The following TRIM37 variants were observed in gnomAD, a reference collection of about 807,000 sequenced individuals.
TRIM37 encodes tripartite motif containing 37, also known as E3 ubiquitin-protein ligase TRIM37.
A neutral mutation model predicts 129.8 loss-of-function variants in TRIM37; 80 were observed. The observed-to-expected ratio is 0.62, with a 90% CI of 0.51 to 0.74. The LOEUF (loss-of-function observed/expected upper bound fraction) is 0.74, where lower values mean the gene tolerates loss of function less well. Ranked by LOEUF, TRIM37 falls within the 30% of genes least tolerant of loss-of-function variation. TRIM37 has a pLI of 0.00. For missense variants in TRIM37, 1,054 were observed against 1,176.5 expected, an observed-to-expected ratio of 0.90 and a Z score of 1.52; for synonymous variants, 389 against 387.1, an observed-to-expected ratio of 1.00 and a Z score of -0.06.
At position 58,998,884 on chromosome 17, in the gene TRIM37, G is replaced by A. The variant is rs2033306146; in HGVS notation, c.*493C>T. Reference sequence around the variant, plus strand: ...CAGTTATTCACATAGTGTCTACAGGGCAGAATCTCTTCCAAAGCAATTTTC... The same window carrying A: ...CAGTTATTCACATAGTGTCTACAGGACAGAATCTCTTCCAAAGCAATTTTC... On this transcript the variant is annotated 3_prime_UTR_variant, in exon 24 of 24. Transcript: ENST00000262294. 3.0e-6 allele frequency: 3 copies of A among 1,015,160 alleles called. No homozygotes were observed. The highest frequency in any genetic ancestry group is 3.5e-6 in the Non-Finnish European group (3 of 847,298). 62.9% of individuals were successfully genotyped at this position (1,015,160 alleles called of 1,614,324 possible).
rs1245747118 is a variant in TRIM37, at chr17:59,003,535, G to A, written c.2696-1821C>T. On this transcript the variant is annotated intron_variant, in intron 22 of 23. Transcript: ENST00000262294. ...GAGATGGGTAGTGTAGTTATTTAAG[G>A]ATATTCATAGTTATTTACTTTGAAA... Among the ~76,000 whole-genome samples, 10 of 151,430 alleles carry A rather than the reference G, an allele frequency of 6.6e-5. No individual in the cohort carries two copies. In the East Asian group the frequency reaches 1.9e-3, roughly 29 times the overall value.
Position 59,031,985 on chromosome 17 carries a change from A to G in TRIM37, c.1859T>C (p.Ile620Thr). The G allele has an allele frequency of 6.2e-7, 1 of 1,614,242 alleles. No homozygotes were observed. Residue 620 changes from isoleucine to threonine, a missense_variant, in exon 18 of 24, where the codon ATA becomes ACA. Ile to Thr is a moderately conservative substitution (Grantham distance 89). This residue lies in a region of TRIM37 where 752 missense variants were observed against 870.8 expected (regional missense o/e 0.86). Transcript: ENST00000262294. ...CCGGTCCTTAAGGTCCAACAAATGT[A>G]TTAAAATTAATGGATCAATGTCTAG... ...SLLDIDPLIL[I>T]HLLDLKDRSS...
At chr17:59,081,937 C>CAAAAAAAAAAAAAAAAAAAA (rs1157296161) in intron 5 of TRIM37, among the ~76,000 whole-genome samples, 2 of 48,888 alleles carry the variant, frequency 4.1e-5, no homozygotes, top group East Asian at 4.9e-4. Flanking sequence ...TAATAAAAAC[C>CAAAAAAAAAAAAAAAAAAAA]AAAAAAAAAA....
chr17:59,012,250 A>AC (rs1555639680), intron 22 of TRIM37, 78 bp downstream of exon 22: 4 of 833,792 alleles, frequency 4.8e-6, no homozygotes, highest in Middle Eastern at 2.3e-4. Context: ...CACCACCACC[A>AC]CCACCACCCA....
At chr17:59,069,082 C>T (rs949933724) in intron 9 of TRIM37, among the ~76,000 whole-genome samples, 6 of 152,178 alleles carry the variant, frequency 3.9e-5, no homozygotes, top group African/African-American at 1.4e-4. Context: ...CATGGTGGCT[C>T]ACACCTATAA....
intron 17 of TRIM37, 44 bp from the exon 18 acceptor site, chr17:59,032,134 A>G (rs773826764): frequency 6.3e-7 from 1 of 1,582,942 alleles, no homozygotes; most frequent in African/African-American, 1.3e-5. Flanking sequence ...GCACAAACTT[A>G]GCTATACTTA....
At chr17:59,017,783 C>T (rs1434158779) in intron 19 of TRIM37, among the ~76,000 whole-genome samples, 2 of 152,080 alleles carry the variant, frequency 1.3e-5, no homozygotes, top group Non-Finnish European at 2.9e-5. Flanking sequence ...CGCCACCATG[C>T]CCAGCTAATT....
At chr17:59,057,084 C>T in intron 12 of TRIM37, 30 bp from the exon 13 acceptor site, 2 of 1,595,084 alleles carry the variant, frequency 1.3e-6, no homozygotes, top group South Asian at 1.1e-5. Flanking sequence ...CATTACTATA[C>T]AGTTAGTAAA....
intron 2 of TRIM37, among the ~76,000 whole-genome samples, chr17:59,101,938 C>CA (rs200931358): frequency 0.024 from 3,433 of 144,294 alleles, 127 homozygotes; most frequent in African/African-American, 0.083. Flanking sequence ...GAATCCATCT[C>CA]AAAAAAAAAT....
At chr17:59,028,784 C>T in intron 18 of TRIM37, 61 bp from the exon 19 acceptor site, 1 of 1,572,850 alleles carries the variant, frequency 6.4e-7, no homozygotes, top group Non-Finnish European at 8.7e-7. Flanking sequence ...ATCATTTGTA[C>T]CATGAATATA....
In TRIM37 at chr17:59,057,019, C is replaced by A. The variant is rs1024401333; in HGVS notation, c.1055G>T (p.Cys352Phe). 6.2e-7 allele frequency: 1 copy of A among 1,613,662 alleles called. No homozygotes were observed. The highest frequency in any genetic ancestry group is 8.5e-7 in the Non-Finnish European group (1 of 1,179,858). Residue 352 changes from cysteine to phenylalanine, a missense_variant, in exon 13 of 24, where the codon TGT (cysteine) becomes TTT (phenylalanine). By Grantham distance (205) the Cys-to-Phe change is radical (BLOSUM62 -2). This residue lies in a region of TRIM37 where 752 missense variants were observed against 870.8 expected (regional missense o/e 0.86). Transcript: ENST00000262294. Reference sequence around the variant, plus strand: ...AATGATATTTTTTGTAGGATCATTACAGGACTGGTGAACCATCTCTACACG... The same window carrying A: ...AATGATATTTTTTGTAGGATCATTAAAGGACTGGTGAACCATCTCTACACG... ...EYRVEMVHQS[C>F]NDPTKNIIRE...
intron 19 of TRIM37, among the ~76,000 whole-genome samples, chr17:59,017,985 C>T (rs989059769): frequency 3.3e-5 from 5 of 152,096 alleles, no homozygotes; most frequent in African/African-American, 9.7e-5. Flanking sequence ...ATACAAATTT[C>T]AATGCAGTTA....
intron 16 of TRIM37, among the ~76,000 whole-genome samples, chr17:59,045,889 G>T (rs939996549): frequency 6.6e-6 from 1 of 151,788 alleles, no homozygotes; most frequent in Admixed American, 6.6e-5. Context: ...GGTGGTGCAC[G>T]CCTGTAATCC....
rs760669957 is a variant in TRIM37, at chr17:59,015,704, G to C, written c.2482C>G (p.Arg828Gly). 5 of 1,614,074 alleles carry C rather than the reference G, an allele frequency of 3.1e-6. No homozygotes were observed. In the South Asian group the frequency reaches 5.5e-5, roughly 18 times the overall value. ...IGDILPKTED[R>G]QCKALDSDAV... Reference sequence around the variant, plus strand: ...TCTGAATCCAAAGCTTTACACTGCCGGTCTTCAGTTTTTGGCAGAATATCA... The same window carrying C: ...TCTGAATCCAAAGCTTTACACTGCCCGTCTTCAGTTTTTGGCAGAATATCA... Residue 828 changes from arginine to glycine, a missense_variant, in exon 21 of 24, where the codon CGG becomes GGG. Arg to Gly is a moderately radical substitution (Grantham distance 125). Around this residue, in one of 3 missense-constraint regions of TRIM37, gnomAD observed 287 missense variants for 274.3 expected, o/e 1.05. Coordinates refer to ENST00000262294, the MANE Select transcript of TRIM37 (RefSeq NM_015294.6).
At chr17:59,045,734 G>A (rs775561841) in intron 16 of TRIM37, among the ~76,000 whole-genome samples, 3 of 151,762 alleles carry the variant, frequency 2.0e-5, no homozygotes, top group Non-Finnish European at 2.9e-5. Flanking sequence ...TCCAAAAATC[G>A]CCAGGCACAG....
At chr17:58,991,305 G>A (rs1385439209) in intron 24 of TRIM37, among the ~76,000 whole-genome samples, 1 of 151,828 alleles carries the variant, frequency 6.6e-6, no homozygotes, top group Non-Finnish European at 1.5e-5. Flanking sequence ...GGAGGCGAAG[G>A]TGGGTGGATC....
At chr17:59,006,032 T>C (rs952774956) in intron 22 of TRIM37, among the ~76,000 whole-genome samples, 1 of 152,214 alleles carries the variant, frequency 6.6e-6, no homozygotes, top group Non-Finnish European at 1.5e-5. Flanking sequence ...GTTTCTGTGT[T>C]GTTAAAATTA....
At chr17:58,997,607 C>A (rs111681023), downstream of TRIM37, among the ~76,000 whole-genome samples, 2 of 152,020 alleles carry the variant, frequency 1.3e-5, no homozygotes, top group African/African-American at 4.8e-5. Flanking sequence ...GTATCTCTAG[C>A]CCTAAGAAAA....
At chr17:59,070,974 C>T in intron 8 of TRIM37, 27 bp from the exon 9 acceptor site, 1 of 1,612,072 alleles carries the variant, frequency 6.2e-7, no homozygotes, top group African/African-American at 1.3e-5. Flanking sequence ...ATTATCTGAA[C>T]AAACAAAATT....
Sources: gnomAD v4.1 joint callset for allele counts (sites outside exome capture counted in the v4.1 genomes callset) on GRCh38, gnomAD v4.1.1 for gene constraint, gnomAD v4.1.1 regional missense constraint, MANE v1.5 for transcripts, NCBI Gene and HGNC (gene_info 2026-07-23, HGNC 2026-07-21) for gene names.